The following EBI3 variants were observed in gnomAD, a reference collection of about 807,000 sequenced individuals.
The protein encoded by EBI3 is Epstein-Barr virus induced 3.
Under a neutral mutation model 21.3 loss-of-function variants are expected in EBI3, and 19 were observed. The ratio of observed to expected loss-of-function variants is 0.89; its 90% CI spans 0.62 to 1.31. The LOEUF is 1.31. Among genes scored for constraint, EBI3 ranks in the 50% most tolerant of loss-of-function variants. The pLI is 0.00. For missense variants in EBI3, 331 were observed against 314.0 expected, an observed-to-expected ratio of 1.05 and a Z score of -0.41; for synonymous variants, 154 against 131.2, an observed-to-expected ratio of 1.17 and a Z score of -1.19.
chr19:4,232,917 C>G, intron 2 of EBI3: 1 of 496,956 alleles, frequency 2.0e-6, no homozygotes, highest in East Asian at 3.5e-5. Context: ...TTGTAATCCC[C>G]GACCTGAACC....
At chr19:4,231,776 A>AAAAAAC (rs1970785672) in intron 2 of EBI3, among the ~76,000 whole-genome samples, 1 of 149,720 alleles carries the variant, frequency 6.7e-6, no homozygotes, top group African/African-American at 2.5e-5. Context: ...ATCTCAAAAA[A>AAAAAAC]AAAAAAAAAA....
intron 3 of EBI3, among the ~76,000 whole-genome samples, chr19:4,234,002 T>G (rs561177394): frequency 2.0e-5 from 3 of 151,906 alleles, no homozygotes; most frequent in Non-Finnish European, 2.9e-5. Context: ...GTCAGGAGTT[T>G]GAGACCAGTC....
In EBI3 at chr19:4,230,846, C is replaced by T. The variant is rs139107569; in HGVS notation, c.68-345C>T. On this transcript the variant is annotated intron_variant, in intron 1 of 4. Transcript: ENST00000221847. ...GAGCCGAGATCTCGCCACTGCACTCCAGCCTAGGCGACAGAGGGAGACTCC... is the reference window on the plus strand; with the variant it reads ...GAGCCGAGATCTCGCCACTGCACTCTAGCCTAGGCGACAGAGGGAGACTCC... Among the ~76,000 whole-genome samples the T allele has an allele frequency of 4.6e-5, 7 of 151,988 alleles. No individual in the cohort carries two copies. In the East Asian group the frequency reaches 1.2e-3, roughly 25 times the overall value.
chr19:4,229,707 C>T lies in EBI3; in HGVS notation c.67+90C>T, dbSNP rs1030920076. 9.7e-6 allele frequency: 13 copies of T among 1,342,208 alleles called. No individual in the cohort carries two copies. The East Asian group carries it at 3.4e-4, about 35-fold the overall frequency. 83.1% of individuals were successfully genotyped at this position (1,342,208 alleles called of 1,614,324 possible). Reference sequence around the variant, plus strand: ...GGATCATGTCTGGGGTGGGAAATCACATCCTCCCGTGCCCAATGGTGGGAT... The same window carrying T: ...GGATCATGTCTGGGGTGGGAAATCATATCCTCCCGTGCCCAATGGTGGGAT... On this transcript the variant is annotated intron_variant, in intron 1 of 4. Transcript: ENST00000221847.
intron 1 of EBI3, among the ~76,000 whole-genome samples, chr19:4,229,960 C>T (rs1970767961): frequency 2.0e-5 from 3 of 152,094 alleles, no homozygotes; most frequent in Admixed American, 6.6e-5. Context: ...CTCACTCTGT[C>T]GCCCAGGCTG....
At chr19:4,236,565 CA>C (rs1253261073) in intron 4 of EBI3, among the ~76,000 whole-genome samples, 1 of 131,988 alleles carries the variant, frequency 7.6e-6, no homozygotes, top group Non-Finnish European at 1.6e-5. Context: ...ATAGTGGGAC[CA>C]GGGGTAAAGG....
Position 4,231,162 on chromosome 19 carries a change from A to G in EBI3, c.68-29A>G. The G allele has an allele frequency of 2.0e-6, 3 of 1,537,818 alleles. No homozygotes were observed. In the African/African-American group the frequency reaches 4.2e-5, roughly 21 times the overall value. Reference sequence around the variant, plus strand: ...GGCTATGACAATCTGGGGGTAAACCAGAAGCTCACTCTTTCTGTCTTCCTC... The same window carrying G: ...GGCTATGACAATCTGGGGGTAAACCGGAAGCTCACTCTTTCTGTCTTCCTC... On this transcript the variant is annotated intron_variant, in intron 1 of 4. Transcript: ENST00000221847.
chr19:4,232,564 A>G (rs1970795261), intron 2 of EBI3, among the ~76,000 whole-genome samples: 1 of 151,170 alleles, frequency 6.6e-6, no homozygotes, highest in African/African-American at 2.4e-5. Context: ...CTGTAGAAAA[A>G]AAATTTAAAA....
At chr19:4,229,676 G>A (rs886292440) in intron 1 of EBI3, 59 bp downstream of exon 1, 4 of 1,522,628 alleles carry the variant, frequency 2.6e-6, no homozygotes, top group Non-Finnish European at 3.6e-6. Context: ...CACGAGGACT[G>A]GCCTCGGATC....
At chr19:4,233,087 C>CCT (rs1970804825) in intron 2 of EBI3, 42 bp from the exon 3 acceptor site, 1 of 1,494,256 alleles carries the variant, frequency 6.7e-7, no homozygotes, top group African/African-American at 1.4e-5. Flanking sequence ...GCTGAGGCCA[C>CCT]AGGCACTCCC....
chr19:4,236,695 G>A (rs1006445282), intron 4 of EBI3, among the ~76,000 whole-genome samples: 1 of 152,040 alleles, frequency 6.6e-6, no homozygotes, highest in African/African-American at 2.4e-5. Context: ...ACATCCACAG[G>A]GGCTAGTGTG....
At chr19:4,232,980 G>A (rs1228534249) in intron 2 of EBI3, 149 bp from the exon 3 acceptor site, 19 of 882,718 alleles carry the variant, frequency 2.2e-5, no homozygotes, top group South Asian at 2.1e-4. Context: ...GGGGTGGCAC[G>A]GCCACCACCA....
chr19:4,234,901 G>T (rs1256852567), intron 4 of EBI3, 77 bp downstream of exon 4: 4 of 1,571,750 alleles, frequency 2.5e-6, no homozygotes, highest in Non-Finnish European at 3.5e-6. Flanking sequence ...TAGCAGGTGT[G>T]CTGGGCTCTT....
rs4009634 is a variant in EBI3 at position 4,236,518 on chromosome 19, CAAAAAA to C, written c.538-398_538-393del. Among the ~76,000 whole-genome samples, 269 of 30,500 alleles carry C rather than the reference CAAAAAA, an allele frequency of 8.8e-3. 3 individuals are homozygous for C. The highest frequency in any genetic ancestry group is 0.037 in the African/African-American group (246 of 6,712). 20.0% of individuals were successfully genotyped at this position (30,500 alleles called of 152,430 possible). On this transcript the variant is annotated intron_variant, in intron 4 of 4. Transcript: ENST00000221847. Reference sequence around the variant, plus strand: ...CCTGGGCAACAGAGTAAGACTGTCTCAAAAAAAAAAAAAAAAAAAAAAAAAGCATGG... The same window carrying C: ...CCTGGGCAACAGAGTAAGACTGTCTCAAAAAAAAAAAAAAAAAAAGCATGG...
chr19:4,230,813 G>A (rs1234838339), intron 1 of EBI3, among the ~76,000 whole-genome samples: 2 of 152,024 alleles, frequency 1.3e-5, no homozygotes, highest in African/African-American at 4.8e-5. Context: ...GGAGGCGGGG[G>A]TGGCAGTGAG....
intron 4 of EBI3, among the ~76,000 whole-genome samples, chr19:4,236,543 A>AAAAAAAAAC (rs869283945): frequency 6.7e-6 from 1 of 149,674 alleles, no homozygotes; most frequent in Non-Finnish European, 1.5e-5. Flanking sequence ...AAAAAAAAAA[A>AAAAAAAAAC]GCATGGTTAA....
chr19:4,229,703 A>T, intron 1 of EBI3, 86 bp downstream of exon 1: 1 of 1,371,472 alleles, frequency 7.3e-7, no homozygotes, highest in Non-Finnish European at 9.9e-7. Context: ...GGGGTGGGAA[A>T]TCACATCCTC....
chr19:4,233,316 G>T lies in EBI3; in HGVS notation c.379+9G>T. The T allele has an allele frequency of 6.3e-7, 1 of 1,583,202 alleles. No homozygotes were observed. The highest frequency in any genetic ancestry group is 8.6e-7 in the Non-Finnish European group (1 of 1,166,826). ...CATAACAGAGCACATCAGTGAGTGG[G>T]GGCGGCAGTGGGGGCGGGGGCGGGG... On this transcript the variant is annotated intron_variant, in intron 3 of 4. Coordinates refer to ENST00000221847, the MANE Select transcript of EBI3 (RefSeq NM_005755.3).
intron 1 of EBI3, among the ~76,000 whole-genome samples, chr19:4,229,904 A>G (rs939161228): frequency 1.3e-5 from 2 of 151,910 alleles, no homozygotes; most frequent in African/African-American, 2.4e-5. Context: ...TTTGAGTCAC[A>G]CTCATTCCTT....
Sources: gnomAD v4.1 joint callset for allele counts (sites outside exome capture counted in the v4.1 genomes callset) on GRCh38, gnomAD v4.1.1 for gene constraint, MANE v1.5 for transcripts, NCBI Gene and HGNC (gene_info 2026-07-23, HGNC 2026-07-21) for gene names.